Variants in BRWD1 observed in about 807,000 individuals in gnomAD.
The protein encoded by BRWD1 is bromodomain and WD repeat domain containing 1.
Under a neutral mutation model 251.2 loss-of-function variants are expected in BRWD1, and 82 were observed. The ratio of observed to expected loss-of-function variants is 0.33; its 90% CI spans 0.27 to 0.39. BRWD1 has a LOEUF of 0.39. Among genes scored for constraint, BRWD1 ranks in the 10% least tolerant of loss-of-function variants. The pLI is 1.00. For missense variants in BRWD1, 2,233 were observed against 2,711.6 expected (o/e 0.82, Z 3.92); for synonymous variants, 918 against 902.8 (o/e 1.02, Z -0.30).
At chr21:39,304,392 C>T (rs11909777) in intron 4 of BRWD1, among the ~76,000 whole-genome samples, 2,319 of 152,118 alleles carry the variant, frequency 0.015, 58 homozygotes, top group African/African-American at 0.053. Context: ...GGGAGGACTG[C>T]CTGAGTCCAA....
chr21:39,231,980 T>A (rs2033633138), intron 25 of BRWD1, among the ~76,000 whole-genome samples, 197 bp downstream of exon 25: 1 of 152,144 alleles, frequency 6.6e-6, no homozygotes, highest in Non-Finnish European at 1.5e-5. Context: ...TACACACCAA[T>A]CAGCAACATA....
In BRWD1 at chr21:39,195,152, C is replaced by T; in HGVS notation, c.*1107G>A. 9.2e-7 allele frequency: 1 copy of T among 1,089,734 alleles called. No homozygotes were observed. The highest frequency in any genetic ancestry group is 2.9e-5 in the South Asian group (1 of 33,922). The allele number at this position is 1,089,734 out of a possible 1,614,324, so 67.5% of individuals were successfully genotyped here. On this transcript the variant is annotated 3_prime_UTR_variant, in exon 41 of 41. Transcript: ENST00000342449. ...GGACTAGAAGTCACTAATAAAGATA[C>T]ATTTAGTTGCCCCAGCAAAGAATGC...
Position 39,200,368 on chromosome 21 carries a change from G to A in BRWD1, c.4604C>T (p.Ser1535Phe). ...TGACGATGACAAAGAGGTAGCTAAA[G>A]AATCTTCCACTTCACTTTCTAGGAA... ...STLSESEVED[S>F]LATSLSSSAS... is the part of the protein sequence containing the mutation. The change falls in exon 39 of 41, where the codon TCT becomes TTT. Residue 1535 changes from serine (S) to phenylalanine (F), a missense_variant. Ser to Phe is a radical substitution (Grantham distance 155, BLOSUM62 -2). Transcript: ENST00000342449. The A allele has an allele frequency of 6.2e-7, 1 of 1,611,880 alleles. No homozygotes were observed. The highest frequency in any genetic ancestry group is 8.5e-7 in the Non-Finnish European group (1 of 1,179,450).
chr21:39,213,530 G>A lies in BRWD1; in HGVS notation c.3809C>T (p.Ser1270Leu). The change falls in exon 33 of 41, where the codon TCA becomes TTA. Residue 1270 changes from serine (S) to leucine (L), a missense_variant. By Grantham distance (145) the Ser-to-Leu change is moderately radical. Around this residue, in one of 12 missense-constraint regions of BRWD1, gnomAD observed 167 missense variants for 183.2 expected, o/e 0.91. Coordinates refer to ENST00000342449, the MANE Select transcript of BRWD1 (RefSeq NM_033656.4). ...FIKNQHCTNISELSNTSENDE... is the reference protein window; with the variant it reads ...FIKNQHCTNILELSNTSENDE... ...ATTTTCAGATGTGTTAGAAAGTTCT[G>A]AGATATTTGTACAGTGTTGATTCCT... 6.2e-7 allele frequency: 1 copy of A among 1,611,764 alleles called. No individual in the cohort carries two copies. The highest frequency in any genetic ancestry group is 8.5e-7 in the Non-Finnish European group (1 of 1,178,976).
Position 39,218,490 on chromosome 21 carries a change from A to C in BRWD1, c.3538+15T>G. 1 of 1,561,120 alleles carries C rather than the reference A, an allele frequency of 6.4e-7. No homozygotes were observed. Among genetic ancestry groups the C allele is most frequent in the Non-Finnish European group, 8.6e-7 (1 of 1,162,480 alleles). ...TGAAAAAAAAACTTTTCATCCTAAA[A>C]AATAAAAAACTTACCAAGATTCAAA... On this transcript the variant is annotated intron_variant, in intron 30 of 40. Transcript: ENST00000342449.
rs368475310 is a variant in BRWD1 at position 39,258,223 on chromosome 21, CT to C, written c.2071+263del. ...CTATGGTTTTATTTTAAAAACCAAT[CT>C]GTTATTCGCTCCTATTTAATACAAT... is the stretch of plus-strand genomic sequence containing the variant. On this transcript the variant is annotated intron_variant, in intron 18 of 40. Transcript: ENST00000342449. Among the ~76,000 whole-genome samples the C allele has an allele frequency of 8.8e-3, 1,346 of 152,248 alleles. 21 individuals are homozygous for C. Among genetic ancestry groups the C allele is most frequent in the African/African-American group, 0.03 (1,259 of 41,554 alleles).
chr21:39,261,438 C>T (rs2034742363), intron 17 of BRWD1, among the ~76,000 whole-genome samples: 1 of 152,136 alleles, frequency 6.6e-6, no homozygotes, highest in African/African-American at 2.4e-5. Context: ...GACATGTATT[C>T]ATGTGCAGAG....
chr21:39,271,571 C>A (rs1471277770), intron 13 of BRWD1, among the ~76,000 whole-genome samples: 2 of 151,340 alleles, frequency 1.3e-5, no homozygotes, highest in African/African-American at 4.9e-5. Flanking sequence ...GTGGTGGGCA[C>A]CTGTAGTCCC....
At chr21:39,184,332 C>A (rs1260404151), downstream of BRWD1, 1 of 152,106 alleles carries the variant, frequency 6.6e-6, no homozygotes, top group Admixed American at 6.5e-5. Flanking sequence ...TTTTAAATAG[C>A]CTTTAATAAG....
chr21:39,292,418 A>G (rs962737232), intron 8 of BRWD1, among the ~76,000 whole-genome samples: 1 of 152,218 alleles, frequency 6.6e-6, no homozygotes, highest in Non-Finnish European at 1.5e-5. Flanking sequence ...ATCAGTGAGT[A>G]ATACAAAAAA....
chr21:39,216,450 C>A (rs1314652643), intron 31 of BRWD1, among the ~76,000 whole-genome samples: 2 of 152,154 alleles, frequency 1.3e-5, no homozygotes, highest in African/African-American at 4.8e-5. Flanking sequence ...CTCGGACCTC[C>A]CTTCTCCAGC....
chr21:39,203,692 C>A (rs1801353805), intron 37 of BRWD1, among the ~76,000 whole-genome samples: 1 of 150,776 alleles, frequency 6.6e-6, no homozygotes, highest in African/African-American at 2.4e-5. Flanking sequence ...CAAGCGTGAG[C>A]CACCGCGCCC....
intron 37 of BRWD1, among the ~76,000 whole-genome samples, chr21:39,205,042 T>A (rs933145821): frequency 1.3e-5 from 2 of 152,196 alleles, no homozygotes; most frequent in African/African-American, 4.8e-5. Context: ...ATCTATAATT[T>A]TACATATTTA....
intron 40 of BRWD1, among the ~76,000 whole-genome samples, chr21:39,198,520 ATAG>A (rs1302875755): frequency 6.6e-6 from 1 of 152,312 alleles, no homozygotes; most frequent in East Asian, 1.9e-4. Context: ...TTCAATAGGC[ATAG>A]TTCTTAAGGC....
At chr21:39,199,708 C>A in intron 39 of BRWD1, 46 bp from the exon 40 acceptor site, 2 of 1,460,430 alleles carry the variant, frequency 1.4e-6, no homozygotes, top group Non-Finnish European at 1.8e-6. Context: ...TTCCTTATTT[C>A]AACATTTTTA....
chr21:39,203,438 C>CTTTT lies in BRWD1; in HGVS notation c.4365-897_4365-894dup, dbSNP rs71330353. 2.2e-3 allele frequency among the ~76,000 whole-genome samples: 150 copies of CTTTT among 67,696 alleles called. 4 individuals are homozygous for CTTTT. Among genetic ancestry groups the CTTTT allele is most frequent in the African/African-American group, 5.1e-3 (99 of 19,286 alleles). 44.4% of individuals were successfully genotyped at this position (67,696 alleles called of 152,430 possible). ...TGGGCAACAGAGCAAGACCCTGGTT[C>CTTTT]TTTTTTTTTTTTTTTTTTTTTTTTG... On this transcript the variant is annotated intron_variant, in intron 37 of 40. Coordinates refer to ENST00000342449, the MANE Select transcript of BRWD1 (RefSeq NM_033656.4).
At chr21:39,204,399 T>C (rs2032289310) in intron 37 of BRWD1, among the ~76,000 whole-genome samples, 1 of 151,890 alleles carries the variant, frequency 6.6e-6, no homozygotes, top group African/African-American at 2.4e-5. Context: ...ACAACTCAAT[T>C]TTTATACTGT....
intron 19 of BRWD1, among the ~76,000 whole-genome samples, chr21:39,253,275 C>A (rs1213309048): frequency 2.9e-5 from 2 of 68,976 alleles, no homozygotes; most frequent in East Asian, 7.8e-4. Flanking sequence ...GTGACAAAAG[C>A]GAAACTGTCT....
At chr21:39,242,639 T>C (rs79689683) in intron 21 of BRWD1, among the ~76,000 whole-genome samples, 56 of 152,324 alleles carry the variant, frequency 3.7e-4, no homozygotes, top group Non-Finnish European at 4.9e-4. Flanking sequence ...CTTTCACAGC[T>C]AGAGGGACTT....
Sources: gnomAD v4.1 joint callset for allele counts (sites outside exome capture counted in the v4.1 genomes callset) on GRCh38, gnomAD v4.1.1 for gene constraint, gnomAD v4.1.1 regional missense constraint, MANE v1.5 for transcripts, NCBI Gene and HGNC (gene_info 2026-07-23, HGNC 2026-07-21) for gene names.